The following FAP variants were observed in gnomAD, a reference collection of about 807,000 sequenced individuals.
The protein encoded by FAP is prolyl endopeptidase FAP.
A neutral mutation model predicts 126.5 loss-of-function variants in FAP; 110 were observed. The ratio of observed to expected loss-of-function variants is 0.87; its 90% CI spans 0.74 to 1.02. FAP has a LOEUF of 1.02. Ranked by LOEUF, FAP falls within the 50% of genes least tolerant of loss-of-function variation. The pLI is 0.00. For synonymous variants in FAP, 334 were observed against 297.3 expected (o/e 1.12, Z -1.27); for missense variants, 919 against 909.2 (o/e 1.01, Z -0.14).
At chr2:162,193,391 T>C (rs1287449626) in intron 17 of FAP, among the ~76,000 whole-genome samples, 1 of 152,180 alleles carries the variant, frequency 6.6e-6, no homozygotes, top group Non-Finnish European at 1.5e-5. Context: ...ATCTGACATA[T>C]CTGAGGGCGT....
rs1037666127 is a variant in FAP, at chr2:162,219,992, A to G, written c.414-67T>C. Reference sequence around the variant, plus strand: ...TTAATGCAAAAAAATAATAATCTGTATGAACAGAAAAAATAAACAAACAAT... The same window carrying G: ...TTAATGCAAAAAAATAATAATCTGTGTGAACAGAAAAAATAAACAAACAAT... On this transcript the variant is annotated intron_variant, in intron 6 of 25. Transcript: ENST00000188790. 4.7e-6 allele frequency: 5 copies of G among 1,058,796 alleles called. No homozygotes were observed. The African/African-American group carries it at 8.0e-5, about 17-fold the overall frequency. The allele number at this position is 1,058,796 out of a possible 1,614,324, so 65.6% of individuals were successfully genotyped here. A position where few individuals can be genotyped will look rare whatever the true frequency, so the allele number is the denominator to read the frequency against.
At chr2:162,237,327 G>A (rs756769922) in intron 2 of FAP, among the ~76,000 whole-genome samples, 15 of 152,112 alleles carry the variant, frequency 9.9e-5, no homozygotes, top group Admixed American at 6.5e-4. Context: ...CCATCAACCC[G>A]TCATCTACAT....
In FAP at chr2:162,242,970, C is replaced by A. The variant is rs779685907; in HGVS notation, c.29G>T (p.Gly10Val). 1.2e-6 allele frequency: 2 copies of A among 1,612,772 alleles called. No individual in the cohort carries two copies. Among genetic ancestry groups the A allele is most frequent in the Non-Finnish European group, 1.7e-6 (2 of 1,179,200 alleles). ...GGCAAGCACAGCAGAGGTGGCAACT[C>A]CAAATACGATTTTTACCCAAGTCTA... Reference protein sequence around the residue: MKTWVKIVFGVATSAVLALL... With the variant: MKTWVKIVFVVATSAVLALL... The change falls in exon 2 of 26, where the codon GGA (glycine) becomes GTA (valine). Residue 10 changes from glycine (G) to valine (V), a missense_variant. Transcript: ENST00000188790.
At chr2:162,219,342 C>A (rs1689289176) in intron 7 of FAP, among the ~76,000 whole-genome samples, 159 bp from the exon 8 acceptor site, 1 of 152,062 alleles carries the variant, frequency 6.6e-6, no homozygotes, top group Non-Finnish European at 1.5e-5. Flanking sequence ...ATCCAACCAA[C>A]TCACATTAAC....
intron 21 of FAP, among the ~76,000 whole-genome samples, chr2:162,177,459 G>A (rs1243705465): frequency 1.3e-5 from 2 of 151,816 alleles, no homozygotes; most frequent in East Asian, 1.9e-4. Context: ...CTCTCTTGAC[G>A]TTCTTTGAAC....
At chr2:162,207,317 A>G (rs1024387088) in intron 12 of FAP, among the ~76,000 whole-genome samples, 14 of 152,222 alleles carry the variant, frequency 9.2e-5, no homozygotes, top group African/African-American at 2.2e-4. Context: ...GAAAACAATC[A>G]TTGCAAATAA....
rs760811208 is a variant in FAP at position 162,243,025 on chromosome 2, C to G, written c.7-33G>C. 6 of 1,531,166 alleles carry G rather than the reference C, an allele frequency of 3.9e-6. No individual in the cohort carries two copies. In the South Asian group the frequency reaches 4.6e-5, roughly 12 times the overall value. 94.8% of individuals were successfully genotyped at this position (1,531,166 alleles called of 1,614,324 possible). On this transcript the variant is annotated intron_variant, in intron 1 of 25. Transcript: ENST00000188790. ...AAATAAAGAGAATTAGGCATACACACAGTTCCTGCTAAATAGTAGAAATGG... is the reference window on the plus strand; with the variant it reads ...AAATAAAGAGAATTAGGCATACACAGAGTTCCTGCTAAATAGTAGAAATGG...
rs114456282 is a variant in FAP at position 162,227,204 on chromosome 2, T to C, written c.92-583A>G. On this transcript the variant is annotated intron_variant, in intron 2 of 25. Transcript: ENST00000188790. ...ATGAATGTAGGTAATTTTCTCATAC[T>C]ATGGATTTTTATATAAAGAAAGTAG... Among the ~76,000 whole-genome samples the C allele has an allele frequency of 3.7e-3, 560 of 152,286 alleles. 3 individuals carry two copies. Among genetic ancestry groups the C allele is most frequent in the African/African-American group, 0.013 (522 of 41,554 alleles).
chr2:162,173,232 G>T lies in FAP; in HGVS notation c.2035-11C>A. ...CATCACAGTTGAATTCTGGAAAAGA[G>T]AAAAAAATTAACATTTTAGTTGCTG... On this transcript the variant is annotated splice_polypyrimidine_tract_variant and intron_variant, in intron 23 of 25. Transcript: ENST00000188790. 3 of 1,608,234 alleles carry T rather than the reference G, an allele frequency of 1.9e-6. No individual in the cohort carries two copies. The highest frequency in any genetic ancestry group is 2.6e-6 in the Non-Finnish European group (3 of 1,175,192).
In FAP at chr2:162,179,799, T is replaced by C. The variant is rs1687625248; in HGVS notation, c.1869+3615A>G. ...CTATCTATCTATCTATCTATATATA[T>C]ATATATATATATATTTTTTTTTTTT... On this transcript the variant is annotated intron_variant, in intron 21 of 25. Coordinates refer to ENST00000188790, the MANE Select transcript of FAP (RefSeq NM_004460.5). 2.2e-5 allele frequency among the ~76,000 whole-genome samples: 3 copies of C among 133,730 alleles called. No individual in the cohort carries two copies. In the Admixed American group the frequency reaches 2.7e-4, roughly 12 times the overall value. 87.7% of individuals were successfully genotyped at this position (133,730 alleles called of 152,430 possible).
intron 6 of FAP, among the ~76,000 whole-genome samples, chr2:162,221,237 C>G (rs1029684603): frequency 6.6e-6 from 1 of 152,058 alleles, no homozygotes; most frequent in African/African-American, 2.4e-5. Context: ...GATGCAAGAG[C>G]CCAGTTAAAA....
chr2:162,213,954 G>A lies in FAP; in HGVS notation c.986C>T (p.Thr329Ile). 7 of 1,613,410 alleles carry A rather than the reference G, an allele frequency of 4.3e-6. No individual in the cohort carries two copies. The highest frequency in any genetic ancestry group is 5.9e-6 in the Non-Finnish European group (7 of 1,179,608). Residue 329 changes from threonine to isoleucine, a missense_variant, in exon 11 of 26, where the codon ACA (threonine) becomes ATA (isoleucine). Physicochemically the swap from Thr to Ile is moderately conservative, Grantham distance 89. Coordinates refer to ENST00000188790, the MANE Select transcript of FAP (RefSeq NM_004460.5). ...SICDFREDWQTWDCPKTQEHI... is the reference protein window; with the variant it reads ...SICDFREDWQIWDCPKTQEHI... ...ATACCCTACCTTTGGACAATCCCAT[G>A]TCTGCCAGTCTTCCCTGAAGTCACA...
intron 16 of FAP, chr2:162,198,167 T>C: frequency 7.8e-7 from 1 of 1,285,972 alleles, no homozygotes; most frequent in Non-Finnish European, 1.0e-6. Flanking sequence ...TTATATTTGA[T>C]GCATTACTTA....
Position 162,200,627 on chromosome 2 carries a change from T to A in FAP, c.1224-8A>T. On this transcript the variant is annotated splice_polypyrimidine_tract_variant and splice_region_variant and intron_variant, in intron 14 of 25. Transcript: ENST00000188790. ...TCATTGCTAGAATAAAACCTGAAAA[T>A]ATATTCAGAAATTATTAAGTATTGA... is the stretch of plus-strand genomic sequence containing the variant. 7.7e-7 allele frequency: 1 copy of A among 1,296,608 alleles called. No individual in the cohort carries two copies. The highest frequency in any genetic ancestry group is 1.3e-5 in the South Asian group (1 of 76,606). 80.3% of individuals were successfully genotyped at this position (1,296,608 alleles called of 1,614,324 possible).
intron 25 of FAP, chr2:162,171,840 T>C (rs1687314841): frequency 6.6e-6 from 1 of 152,080 alleles, no homozygotes; most frequent in African/African-American, 2.4e-5. Context: ...TTTTGATAGC[T>C]GAATACAATG....
Position 162,173,742 on chromosome 2 carries a change from T to C in FAP, c.2015A>G (p.Asp672Gly), listed in dbSNP as rs1174463542. Residue 672 changes from aspartate (D) to glycine (G), a missense_variant, in exon 23 of 26, where the codon GAT (aspartate) becomes GGT (glycine). Asp to Gly is a moderately conservative substitution (Grantham distance 94, BLOSUM62 -1). Coordinates refer to ENST00000188790, the MANE Select transcript of FAP (RefSeq NM_004460.5). Reference protein sequence around the residue: ...ERFMGLPTKDDNLEHYKNSTV... With the variant: ...ERFMGLPTKDGNLEHYKNSTV... ...ACTTACCTTATAGTGCTCAAGATTA[T>C]CATCCTTTGTTGGGAGACCCATGAA... 8.7e-6 allele frequency: 14 copies of C among 1,603,284 alleles called. No individual in the cohort carries two copies. Among genetic ancestry groups the C allele is most frequent in the Non-Finnish European group, 1.1e-5 (13 of 1,170,426 alleles).
intron 23 of FAP, among the ~76,000 whole-genome samples, 154 bp downstream of exon 23, chr2:162,173,569 G>A (rs901144994): frequency 3.9e-5 from 6 of 152,050 alleles, no homozygotes; most frequent in African/African-American, 1.4e-4. Flanking sequence ...TCCAAAAGGA[G>A]TAAAACCCTT....
chr2:162,195,953 A>AT (rs1028191798), intron 16 of FAP, among the ~76,000 whole-genome samples: 13 of 152,016 alleles, frequency 8.6e-5, no homozygotes, highest in Admixed American at 2.6e-4. Flanking sequence ...AGGAGAAATG[A>AT]TTTTTTTGTA....
intron 11 of FAP, among the ~76,000 whole-genome samples, chr2:162,211,301 T>C (rs1207288530): frequency 5.3e-5 from 8 of 152,122 alleles, no homozygotes; most frequent in African/African-American, 1.7e-4. Context: ...GAGTGCACCA[T>C]TCCCCAACCC....
Sources: allele counts gnomAD v4.1 joint callset (sites outside exome capture counted in the v4.1 genomes callset), GRCh38; gene constraint gnomAD v4.1.1; transcripts MANE v1.5; gene names NCBI Gene and HGNC (gene_info 2026-07-23, HGNC 2026-07-21).